FHIT: variants seen among roughly 807,000 people sequenced by gnomAD.
FHIT encodes the protein fragile histidine triad diadenosine triphosphatase, also known as bis(5'-adenosyl)-triphosphatase.
A neutral mutation model predicts 17.9 loss-of-function variants in FHIT; 19 were observed. That is an observed-to-expected ratio of 1.06 (90% CI 0.74 to 1.56). The LOEUF (loss-of-function observed/expected upper bound fraction) is 1.56. FHIT is among the 40% of genes most tolerant of loss of function. The pLI is 0.00. For synonymous variants in FHIT, 81 were observed against 69.7 expected, an observed-to-expected ratio of 1.16 and a Z score of -0.81; for missense variants, 248 against 189.2, an observed-to-expected ratio of 1.31 and a Z score of -1.82.
chr3:60,168,926 G>A (rs1167358572), intron 5 of FHIT, among the ~76,000 whole-genome samples: 1 of 152,182 alleles, frequency 6.6e-6, no homozygotes, highest in Non-Finnish European at 1.5e-5. Flanking sequence ...TATCAAACCT[G>A]AAACACTAAC....
At chr3:59,831,393 T>G (rs1202435529) in intron 8 of FHIT, among the ~76,000 whole-genome samples, 2 of 152,138 alleles carry the variant, frequency 1.3e-5, no homozygotes, top group East Asian at 3.9e-4. Context: ...GGGCAACTAT[T>G]GAGACTATTA....
intron 8 of FHIT, among the ~76,000 whole-genome samples, chr3:59,892,128 A>G (rs1011807947): frequency 2.0e-5 from 3 of 152,236 alleles, no homozygotes; most frequent in African/African-American, 7.2e-5. Context: ...TAGTGACCCT[A>G]TATCATACAA....
intron 8 of FHIT, among the ~76,000 whole-genome samples, chr3:59,756,784 TC>T (rs1701242607): frequency 6.6e-6 from 1 of 152,128 alleles, no homozygotes; most frequent in South Asian, 2.1e-4. Flanking sequence ...TTTTGTGCAC[TC>T]CAGGGCTTAT....
chr3:59,957,820 T>C (rs1014297073), intron 7 of FHIT, among the ~76,000 whole-genome samples: 5 of 152,222 alleles, frequency 3.3e-5, no homozygotes, highest in Non-Finnish European at 7.3e-5. Flanking sequence ...GACTGTTTTA[T>C]GGTAGACTCT....
At chr3:59,961,967 C>A (rs1707708398) in intron 7 of FHIT, among the ~76,000 whole-genome samples, 1 of 152,104 alleles carries the variant, frequency 6.6e-6, no homozygotes. Context: ...ATCCTCAGGC[C>A]TAGCATGGTG....
intron 5 of FHIT, among the ~76,000 whole-genome samples, chr3:60,433,612 C>T (rs189699849): frequency 1.6e-3 from 236 of 152,182 alleles, no homozygotes; most frequent in African/African-American, 5.5e-3. Flanking sequence ...ACAGCCCATC[C>T]TAACAGGTGT....
rs557674959 is a variant in FHIT at position 60,239,698 on chromosome 3, A to T, written c.104-225546T>A. 1.4e-4 allele frequency among the ~76,000 whole-genome samples: 21 copies of T among 152,352 alleles called. 1 individual carries two copies. Among genetic ancestry groups the T allele is most frequent in the Middle Eastern group, 6.8e-3 (2 of 294 alleles). ...CATGGAAAAACACACAGATTTAACTATATTTAAAGTAAAATGATCCACAAA... is the reference window on the plus strand; with the variant it reads ...CATGGAAAAACACACAGATTTAACTTTATTTAAAGTAAAATGATCCACAAA... On this transcript the variant is annotated intron_variant, in intron 5 of 9. Transcript: ENST00000492590.
intron 3 of FHIT, among the ~76,000 whole-genome samples, chr3:60,965,915 G>T (rs12330767): frequency 5.9e-5 from 9 of 152,016 alleles, no homozygotes; most frequent in Non-Finnish European, 1.0e-4. Context: ...CATTCTGTCC[G>T]TTCTCAGATC....
chr3:59,749,914 A>G lies in FHIT; in HGVS notation c.*6-335T>C, dbSNP rs1324597836. ...TAAGTTGTTTGCCACCTCACAACCT[A>G]TATTATCCGTCCTAGTCTTAGTTAC... On this transcript the variant is annotated intron_variant, in intron 9 of 9. Coordinates refer to ENST00000492590, the MANE Select transcript of FHIT (RefSeq NM_002012.4). The G allele has an allele frequency of 2.7e-5, 6 of 225,236 alleles. No homozygotes were observed. The Admixed American group carries it at 2.9e-4, about 11-fold the overall frequency. The allele number at this position is 225,236 out of a possible 1,614,324, so 14.0% of individuals were successfully genotyped here.
intron 8 of FHIT, among the ~76,000 whole-genome samples, chr3:59,864,298 T>A (rs1424763676): frequency 6.6e-6 from 1 of 152,142 alleles, no homozygotes; most frequent in Non-Finnish European, 1.5e-5. Context: ...CTTTCGATAG[T>A]GAAGAAGTCT....
At chr3:61,220,853 A>G (rs944370584) in intron 1 of FHIT, among the ~76,000 whole-genome samples, 3 of 152,340 alleles carry the variant, frequency 2.0e-5, no homozygotes, top group East Asian at 3.9e-4. Flanking sequence ...TCACAAAACA[A>G]TAAGTTATCT....
chr3:59,835,225 A>G (rs1559646933), intron 8 of FHIT, among the ~76,000 whole-genome samples: 1 of 152,160 alleles, frequency 6.6e-6, no homozygotes, highest in East Asian at 1.9e-4. Flanking sequence ...TAATAGACTA[A>G]GCTTTAGAAT....
At chr3:60,097,213 C>T (rs6791450) in intron 5 of FHIT, among the ~76,000 whole-genome samples, 97,084 of 151,568 alleles carry the variant, frequency 0.64, 31,936 homozygotes, top group East Asian at 0.98. Context: ...CTACAGGTAA[C>T]TGAACATCTT....
intron 5 of FHIT, among the ~76,000 whole-genome samples, chr3:60,180,974 T>G (rs1701904315): frequency 6.6e-6 from 1 of 152,042 alleles, no homozygotes; most frequent in African/African-American, 2.4e-5. Flanking sequence ...ATTTTCTATT[T>G]TAAAATGAAG....
At chr3:59,877,155 T>C (rs540585655) in intron 8 of FHIT, among the ~76,000 whole-genome samples, 1 of 152,342 alleles carries the variant, frequency 6.6e-6, no homozygotes, top group Non-Finnish European at 1.5e-5. Context: ...ATGACATTTA[T>C]GCAACTGATG....
At chr3:60,319,802 C>G (rs143741706) in intron 5 of FHIT, among the ~76,000 whole-genome samples, 2 of 152,016 alleles carry the variant, frequency 1.3e-5, no homozygotes, top group Non-Finnish European at 2.9e-5. Context: ...TTGGGGTTGC[C>G]GACTTTTGGT....
At chr3:60,592,171 TTATA>T (rs1363580362) in intron 4 of FHIT, among the ~76,000 whole-genome samples, 1 of 147,704 alleles carries the variant, frequency 6.8e-6, no homozygotes, top group African/African-American at 2.5e-5. Flanking sequence ...ATATATATTA[TTATA>T]TATATATTAT....
intron 4 of FHIT, among the ~76,000 whole-genome samples, chr3:60,550,067 C>G (rs2036495582): frequency 6.6e-6 from 1 of 152,036 alleles, no homozygotes; most frequent in African/African-American, 2.4e-5. Context: ...CAATTGTTAA[C>G]CAAGAATGTA....
intron 4 of FHIT, among the ~76,000 whole-genome samples, chr3:60,544,193 T>G (rs2036284952): frequency 6.6e-6 from 1 of 152,016 alleles, no homozygotes; most frequent in Non-Finnish European, 1.5e-5. Flanking sequence ...GAAGCAGAAG[T>G]AACACAGGGA....
Sources: gnomAD v4.1 joint callset for allele counts (sites outside exome capture counted in the v4.1 genomes callset) on GRCh38, gnomAD v4.1.1 for gene constraint, MANE v1.5 for transcripts, NCBI Gene and HGNC (gene_info 2026-07-23, HGNC 2026-07-21) for gene names.